Variants in GRM3 observed in about 807,000 individuals in gnomAD.
GRM3 encodes the protein glutamate metabotropic receptor 3, also known as metabotropic glutamate receptor 3.
A neutral mutation model predicts 70.5 loss-of-function variants in GRM3; 26 were observed. The ratio of observed to expected loss-of-function variants is 0.37; its 90% CI spans 0.27 to 0.51. The LOEUF is 0.51. Among genes scored for constraint, GRM3 ranks in the 20% least tolerant of loss-of-function variants. The pLI is 0.93. For missense variants in GRM3, 859 were observed against 1,123.8 expected, an observed-to-expected ratio of 0.76 and a Z score of 3.37; for synonymous variants, 443 against 434.9, an observed-to-expected ratio of 1.02 and a Z score of -0.23.
intron 1 of GRM3, among the ~76,000 whole-genome samples, chr7:86,754,244 T>C (rs554531372): frequency 7.2e-5 from 11 of 152,282 alleles, no homozygotes; most frequent in African/African-American, 2.4e-4. Flanking sequence ...GATACTTTAC[T>C]ATCTGTACAC....
intron 3 of GRM3, among the ~76,000 whole-genome samples, chr7:86,837,813 T>C (rs1798487320): frequency 6.6e-6 from 1 of 152,214 alleles, no homozygotes; most frequent in African/African-American, 2.4e-5. Context: ...CAGGCAAGCC[T>C]ACCATGAGTA....
In GRM3 at chr7:86,644,815, A is replaced by G. The variant is rs773308351; in HGVS notation, c.-198A>G. The G allele has an allele frequency of 7.8e-7, 1 of 1,289,620 alleles. No homozygotes were observed. Among genetic ancestry groups the G allele is most frequent in the South Asian group, 1.2e-5 (1 of 81,020 alleles). The allele number at this position is 1,289,620 out of a possible 1,614,324, so 79.9% of individuals were successfully genotyped here. Reference sequence around the variant, plus strand: ...TGAGCCAGAGCCCGGGTGCAGGCTCACCGCCGCCGCTGCCACCGCGGTCAG... The same window carrying G: ...TGAGCCAGAGCCCGGGTGCAGGCTCGCCGCCGCCGCTGCCACCGCGGTCAG... On this transcript the variant is annotated 5_prime_UTR_variant, in exon 1 of 6. Coordinates refer to ENST00000361669, the MANE Select transcript of GRM3 (RefSeq NM_000840.3).
intron 1 of GRM3, among the ~76,000 whole-genome samples, chr7:86,715,483 AG>A (rs1396235386): frequency 1.3e-5 from 2 of 152,030 alleles, no homozygotes; most frequent in African/African-American, 4.8e-5. Context: ...CATTATAAGT[AG>A]ATGCCCAGTA....
intron 1 of GRM3, among the ~76,000 whole-genome samples, chr7:86,743,783 A>G (rs1796043010): frequency 6.6e-6 from 1 of 152,160 alleles, no homozygotes; most frequent in Admixed American, 6.6e-5. Context: ...GTGGGCTAGA[A>G]AAGAGTGTTC....
rs779216747 is a variant in GRM3, at chr7:86,850,356, A to G, written c.2392-14A>G. ...TGTACAGCCAGACACTTACTAGCCA[A>G]CCTTCTCTTGTAGGTGCAGACGACA... On this transcript the variant is annotated splice_polypyrimidine_tract_variant and intron_variant, in intron 4 of 5. Transcript: ENST00000361669. 1.9e-6 allele frequency: 3 copies of G among 1,605,860 alleles called. No homozygotes were observed. The Admixed American group carries it at 5.0e-5, about 27-fold the overall frequency.
At chr7:86,851,125 T>C (rs1798747570) in intron 5 of GRM3, among the ~76,000 whole-genome samples, 1 of 152,180 alleles carries the variant, frequency 6.6e-6, no homozygotes, top group South Asian at 2.1e-4. Flanking sequence ...GAAAACCTGT[T>C]TAACTTTGTT....
chr7:86,818,487 T>A (rs764390307), intron 3 of GRM3, among the ~76,000 whole-genome samples: 4 of 152,100 alleles, frequency 2.6e-5, no homozygotes, highest in Non-Finnish European at 5.9e-5. Flanking sequence ...ACCTTTTCTA[T>A]GCTCAGTTTT....
chr7:86,698,318 G>C (rs1794872076), intron 1 of GRM3, among the ~76,000 whole-genome samples: 1 of 151,824 alleles, frequency 6.6e-6, no homozygotes, highest in African/African-American at 2.4e-5. Flanking sequence ...AACCCTTTCA[G>C]AGAAATCTTA....
At chr7:86,823,610 G>C (rs1425190235) in intron 3 of GRM3, among the ~76,000 whole-genome samples, 1 of 131,356 alleles carries the variant, frequency 7.6e-6, no homozygotes, top group East Asian at 2.3e-4. Context: ...TTTTTTGGCG[G>C]GGGGGGATTA....
chr7:86,855,286 A>C (rs886891203), intron 5 of GRM3, among the ~76,000 whole-genome samples: 2 of 152,180 alleles, frequency 1.3e-5, no homozygotes, highest in South Asian at 4.1e-4. Context: ...AAAACCCTAT[A>C]GGAGTCATGC....
intron 1 of GRM3, among the ~76,000 whole-genome samples, chr7:86,659,453 T>C (rs150800800): frequency 4.6e-5 from 7 of 152,234 alleles, no homozygotes; most frequent in African/African-American, 1.4e-4. Context: ...CAAGGTAACA[T>C]AGTAAGAGGA....
intron 2 of GRM3, among the ~76,000 whole-genome samples, chr7:86,766,398 C>T (rs1034216773): frequency 2.7e-4 from 39 of 146,904 alleles, no homozygotes; most frequent in African/African-American, 9.0e-4. Flanking sequence ...AAAAAGGAAA[C>T]ATTTAACACA....
chr7:86,648,936 C>G (rs1342086313), intron 1 of GRM3, among the ~76,000 whole-genome samples: 1 of 151,954 alleles, frequency 6.6e-6, no homozygotes, highest in Admixed American at 6.6e-5. Flanking sequence ...GAAATAAGTT[C>G]CTAGGTTACA....
In GRM3 at chr7:86,765,000, CTT is replaced by C; in HGVS notation, c.-140-4_-140-3del. On this transcript the variant is annotated splice_region_variant and splice_polypyrimidine_tract_variant and intron_variant, in intron 1 of 5. Coordinates refer to ENST00000361669, the MANE Select transcript of GRM3 (RefSeq NM_000840.3). The stretch of plus-strand genomic sequence containing the variant: ...ATTTTTGTTCATATAATTTTTATCT[CTT>C]TAGGAATTTTGTGACAGGCTCTGTT... 2.7e-6 allele frequency: 4 copies of C among 1,460,298 alleles called. No individual in the cohort carries two copies. Among genetic ancestry groups the C allele is most frequent in the Non-Finnish European group, 3.6e-6 (4 of 1,113,014 alleles). 90.5% of individuals were successfully genotyped at this position (1,460,298 alleles called of 1,614,324 possible).
intron 1 of GRM3, among the ~76,000 whole-genome samples, chr7:86,720,015 A>T (rs1054157173): frequency 2.0e-5 from 3 of 152,054 alleles, no homozygotes; most frequent in African/African-American, 7.2e-5. Context: ...GAAAGACCTC[A>T]TAGGCCACAG....
intron 2 of GRM3, among the ~76,000 whole-genome samples, chr7:86,782,024 A>T (rs533785612): frequency 1.3e-5 from 2 of 152,170 alleles, no homozygotes; most frequent in Non-Finnish European, 2.9e-5. Context: ...ATTCACTCTT[A>T]TTAAACCCAT....
In GRM3 at chr7:86,644,358, G is replaced by A. The variant is rs1793399807; in HGVS notation, c.-655G>A. ...GAGGAAAGAATGAAAAGGAGAGGATGCCAGGAGGTCCGTGCTTCTGCCAAG... is the reference window on the plus strand; with the variant it reads ...GAGGAAAGAATGAAAAGGAGAGGATACCAGGAGGTCCGTGCTTCTGCCAAG... On this transcript the variant is annotated 5_prime_UTR_variant, in exon 1 of 6. It removes an upstream start codon present in the reference 5' UTR. Coordinates refer to ENST00000361669, the MANE Select transcript of GRM3 (RefSeq NM_000840.3). 3.4e-6 allele frequency: 1 copy of A among 292,732 alleles called. No individual in the cohort carries two copies. The highest frequency in any genetic ancestry group is 5.0e-5 in the Admixed American group (1 of 20,112). 18.1% of individuals were successfully genotyped at this position (292,732 alleles called of 1,614,324 possible).
chr7:86,752,522 A>G (rs1796254195), intron 1 of GRM3, among the ~76,000 whole-genome samples: 1 of 152,212 alleles, frequency 6.6e-6, no homozygotes, highest in Non-Finnish European at 1.5e-5. Context: ...ATCTGTCTCA[A>G]ATTATATCTG....
At chr7:86,668,495 G>A (rs1308701574) in intron 1 of GRM3, among the ~76,000 whole-genome samples, 1 of 151,944 alleles carries the variant, frequency 6.6e-6, no homozygotes, top group Non-Finnish European at 1.5e-5. Context: ...GTGTTGTTTG[G>A]GCTTTTCTCT....
Sources: gnomAD v4.1 joint callset for allele counts (sites outside exome capture counted in the v4.1 genomes callset) on GRCh38, gnomAD v4.1.1 for gene constraint, MANE v1.5 for transcripts, NCBI Gene and HGNC (gene_info 2026-07-23, HGNC 2026-07-21) for gene names.